Variants in PSMC4 observed in about 807,000 individuals in gnomAD.
PSMC4 encodes 26S proteasome regulatory subunit 6B.
PSMC4 carries 13 observed loss-of-function variants against 48.4 expected under a neutral mutation model. That is an observed-to-expected ratio of 0.27 (90% CI 0.18 to 0.43). The LOEUF (loss-of-function observed/expected upper bound fraction) is 0.43, where lower values mean the gene tolerates loss of function less well. Ranked by LOEUF, PSMC4 falls within the 20% of genes least tolerant of loss-of-function variation. PSMC4 has a pLI of 1.00. For synonymous variants in PSMC4, 202 were observed against 212.3 expected (o/e 0.95, Z 0.42); for missense variants, 262 against 555.9 (o/e 0.47, Z 5.32).
chr19:39,976,401 CAAAAAAAAAAAAAA>C (rs757355957), intron 6 of PSMC4, among the ~76,000 whole-genome samples: 1 of 45,186 alleles, frequency 2.2e-5, no homozygotes, highest in Non-Finnish European at 5.0e-5. Flanking sequence ...GACTCCGTCT[CAAAAAAAAAAAAAA>C]AAAAAAAAGA....
At position 39,980,555 on chromosome 19, in the gene PSMC4, G is replaced by T. The variant is rs571180845; in HGVS notation, c.1087+101G>T. On this transcript the variant is annotated intron_variant, in intron 9 of 10. Transcript: ENST00000157812. This position sits in a 1 kb window ranked among gnomAD's most constrained non-coding sequence, Gnocchi z 4.8. ...ACCACAGCCCAGACTGTGCAGGTGG[G>T]ACCAAGGTCCAGGGAGGAGGGGAGG... 8.2e-6 allele frequency: 13 copies of T among 1,589,004 alleles called. No individual in the cohort carries two copies. Among genetic ancestry groups the T allele is most frequent in the African/African-American group, 2.7e-5 (2 of 74,418 alleles).
In PSMC4 at chr19:39,979,987, A is replaced by G; in HGVS notation, c.841+3A>G. ...GAGATTCGATGCTCAGACAGGGGGT[A>G]AGTGATGCTGAAACAAGGCCCGGGG... On this transcript the variant is annotated splice_donor_region_variant and intron_variant, in intron 7 of 10. Coordinates refer to ENST00000157812, the MANE Select transcript of PSMC4 (RefSeq NM_006503.4). 4 of 1,613,606 alleles carry G rather than the reference A, an allele frequency of 2.5e-6. No individual in the cohort carries two copies. Among genetic ancestry groups the G allele is most frequent in the Non-Finnish European group, 3.4e-6 (4 of 1,179,822 alleles).
chr19:39,973,239 A>G (rs1311632521), intron 3 of PSMC4, among the ~76,000 whole-genome samples: 1 of 152,096 alleles, frequency 6.6e-6, no homozygotes, highest in Non-Finnish European at 1.5e-5. Context: ...TTTCACAACT[A>G]CTACTGGTTT....
chr19:39,972,285 C>T (rs183068323), intron 2 of PSMC4, 41 bp downstream of exon 2: 4 of 1,609,940 alleles, frequency 2.5e-6, no homozygotes, highest in Non-Finnish European at 1.7e-6. Flanking sequence ...CAGGACCTGA[C>T]ATCTCATACT....
At chr19:39,978,977 A>T (rs1459421566) in intron 6 of PSMC4, among the ~76,000 whole-genome samples, 1 of 152,122 alleles carries the variant, frequency 6.6e-6, no homozygotes, top group Non-Finnish European at 1.5e-5. Flanking sequence ...ATACCACTGT[A>T]CTCCAAGTCC....
At position 39,981,225 on chromosome 19, in the gene PSMC4, A is replaced by C. The variant is rs374359098; in HGVS notation, c.1177A>C (p.Ile393Leu). ...GTTGGCTGTCCGTGAAAACCGCTAC[A>C]TTGTCCTGGCCAAGGACTTCGAGAA... The part of the protein sequence containing the change: ...GMLAVRENRY[I>L]VLAKDFEKAY... The change falls in exon 11 of 11, where the codon ATT (isoleucine) becomes CTT (leucine). Residue 393 changes from isoleucine to leucine, a missense_variant. By Grantham distance (5) the Ile-to-Leu change is conservative (BLOSUM62 2). Around this residue, in one of 4 missense-constraint regions of PSMC4, gnomAD observed 84 missense variants for 157.8 expected, o/e 0.53. Coordinates refer to ENST00000157812, the MANE Select transcript of PSMC4 (RefSeq NM_006503.4). 1.2e-6 allele frequency: 2 copies of C among 1,613,950 alleles called. No individual in the cohort carries two copies. Among genetic ancestry groups the C allele is most frequent in the Non-Finnish European group, 1.7e-6 (2 of 1,180,012 alleles).
chr19:39,981,004 C>T (rs935270882), intron 10 of PSMC4, among the ~76,000 whole-genome samples, 188 bp from the exon 11 acceptor site: 3 of 138,088 alleles, frequency 2.2e-5, no homozygotes, highest in Non-Finnish European at 4.4e-5. Context: ...ATTACAGGCG[C>T]CCACCACCAG....
At chr19:39,977,824 A>C (rs940930519) in intron 6 of PSMC4, among the ~76,000 whole-genome samples, 11 of 149,288 alleles carry the variant, frequency 7.4e-5, no homozygotes, top group Non-Finnish European at 1.6e-4. Flanking sequence ...TCTGTTTCCA[A>C]AAAAAAAAAG....
At chr19:39,975,128 A>C (rs928978742) in intron 6 of PSMC4, among the ~76,000 whole-genome samples, 1 of 152,202 alleles carries the variant, frequency 6.6e-6, no homozygotes, top group Non-Finnish European at 1.5e-5. Flanking sequence ...TGAAACATGA[A>C]ATAGAACAGA....
chr19:39,971,188 G>A lies in PSMC4; in HGVS notation c.-15G>A. 1.2e-6 allele frequency: 2 copies of A among 1,614,044 alleles called. No individual in the cohort carries two copies. The highest frequency in any genetic ancestry group is 8.5e-7 in the Non-Finnish European group (1 of 1,179,932). On this transcript the variant is annotated 5_prime_UTR_variant, in exon 1 of 11. Coordinates refer to ENST00000157812, the MANE Select transcript of PSMC4 (RefSeq NM_006503.4). ...ACAGATCATCCCAGGCCACACAGAGGCCGGCTTGGTCACTATGGAGGAGAT... is the reference window on the plus strand; with the variant it reads ...ACAGATCATCCCAGGCCACACAGAGACCGGCTTGGTCACTATGGAGGAGAT...
At chr19:39,971,319 T>C in intron 1 of PSMC4, 81 bp downstream of exon 1, 2 of 1,560,066 alleles carry the variant, frequency 1.3e-6, no homozygotes, top group Non-Finnish European at 1.8e-6. Context: ...GGGGGAGGAA[T>C]GGCTTCCAGG....
At chr19:39,975,155 CCA>C (rs1424373415) in intron 6 of PSMC4, among the ~76,000 whole-genome samples, 1 of 152,170 alleles carries the variant, frequency 6.6e-6, no homozygotes, top group Non-Finnish European at 1.5e-5. Context: ...CAGAGAACAT[CCA>C]CATGGTATTT....
At position 39,974,156 on chromosome 19, in the gene PSMC4, G is replaced by A. The variant is rs1191384299; in HGVS notation, c.323-138G>A. 4.0e-6 allele frequency: 4 copies of A among 1,009,264 alleles called. No individual in the cohort carries two copies. The highest frequency in any genetic ancestry group is 5.8e-6 in the Non-Finnish European group (4 of 695,086). The allele number at this position is 1,009,264 out of a possible 1,614,324, so 62.5% of individuals were successfully genotyped here. On this transcript the variant is annotated intron_variant, in intron 3 of 10. Transcript: ENST00000157812. The surrounding 1 kb of genome is among the most constrained non-coding windows in gnomAD (Gnocchi z 5.5). ...TGTGAATACTGGGGACGGACAGCAG[G>A]AGGGAAGGCTGGAGGCCGAGAGGGG... is the stretch of plus-strand genomic sequence containing the variant.
At chr19:39,976,754 C>G (rs1971206721) in intron 6 of PSMC4, among the ~76,000 whole-genome samples, 1 of 152,032 alleles carries the variant, frequency 6.6e-6, no homozygotes, top group Admixed American at 6.6e-5. Flanking sequence ...CATGATCCGC[C>G]CGCCTGGGCC....
chr19:39,972,236 C>G lies in PSMC4; in HGVS notation c.127C>G (p.Arg43Gly). The G allele has an allele frequency of 6.2e-7, 1 of 1,613,866 alleles. No homozygotes were observed. The highest frequency in any genetic ancestry group is 8.5e-7 in the Non-Finnish European group (1 of 1,179,880). ...EPEDLEDLYS[R>G]YKKLQQELEF... ...TGAGGACCTGGAGGACCTGTACAGC[C>G]GCTACAAGGTACATTCGACCCCCAA... Residue 43 changes from arginine (R) to glycine (G), a missense_variant, in exon 2 of 11, where the codon CGC becomes GGC. Arg to Gly is a moderately radical substitution (Grantham distance 125). Transcript: ENST00000157812.
intron 6 of PSMC4, among the ~76,000 whole-genome samples, chr19:39,975,265 A>T (rs756779815): frequency 8.6e-5 from 13 of 151,468 alleles, no homozygotes; most frequent in Non-Finnish European, 1.8e-4. Flanking sequence ...GTTCTTCAAA[A>T]ATATATATAT....
In PSMC4 at chr19:39,974,129, C is replaced by T. The variant is rs776299939; in HGVS notation, c.323-165C>T. Among the ~76,000 whole-genome samples the T allele has an allele frequency of 4.6e-5, 7 of 152,156 alleles. No individual in the cohort carries two copies. The highest frequency in any genetic ancestry group is 7.4e-5 in the Non-Finnish European group (5 of 68,010). ...GAATCAGGGCGGTAGACAAGGAGTT[C>T]GTGTGAATACTGGGGACGGACAGCA... On this transcript the variant is annotated intron_variant, in intron 3 of 10. Transcript: ENST00000157812. The surrounding 1 kb of genome is among the most constrained non-coding windows in gnomAD (Gnocchi z 5.5).
chr19:39,973,302 G>T (rs1463296040), intron 3 of PSMC4, among the ~76,000 whole-genome samples: 1 of 152,114 alleles, frequency 6.6e-6, no homozygotes, highest in African/African-American at 2.4e-5. Flanking sequence ...TGGGCTCTGA[G>T]GCCAGGCATG....
chr19:39,976,237 C>CA (rs201717115), intron 6 of PSMC4, among the ~76,000 whole-genome samples: 2 of 105,342 alleles, frequency 1.9e-5, no homozygotes, highest in East Asian at 5.5e-4. Context: ...ACTCCATCTC[C>CA]AAAAAAAATA....
Sources: gnomAD v4.1 joint callset for allele counts (sites outside exome capture counted in the v4.1 genomes callset) on GRCh38, gnomAD v4.1.1 for gene constraint, gnomAD v4.1.1 regional missense constraint, Gnocchi (gnomAD v3.1) non-coding constraint, MANE v1.5 for transcripts, NCBI Gene and HGNC (gene_info 2026-07-23, HGNC 2026-07-21) for gene names.